Variants in GTF2IRD1 observed in about 807,000 individuals in gnomAD.
GTF2IRD1 encodes the protein GTF2I repeat domain containing 1, also known as general transcription factor II-I repeat domain-containing protein 1.
A neutral mutation model predicts 113.2 loss-of-function variants in GTF2IRD1; 26 were observed. The observed-to-expected ratio is 0.23, with a 90% CI of 0.17 to 0.32. GTF2IRD1 has a LOEUF of 0.32. Ranked by LOEUF, GTF2IRD1 falls within the 10% of genes least tolerant of loss-of-function variation. GTF2IRD1 has a pLI of 1.00. For synonymous variants in GTF2IRD1, 484 were observed against 529.1 expected, an observed-to-expected ratio of 0.91 and a Z score of 1.17; for missense variants, 864 against 1,280.8, an observed-to-expected ratio of 0.67 and a Z score of 4.97.
chr7:74,542,453 C>G (rs144549684), intron 14 of GTF2IRD1, among the ~76,000 whole-genome samples: 35 of 152,188 alleles, frequency 2.3e-4, no homozygotes, highest in African/African-American at 7.7e-4. Flanking sequence ...TAACACTAAG[C>G]AAAAGAGGAA....
At chr7:74,595,234 C>T (rs1554371870) in intron 25 of GTF2IRD1, among the ~76,000 whole-genome samples, 183 bp downstream of exon 25, 2 of 151,742 alleles carry the variant, frequency 1.3e-5, no homozygotes, top group African/African-American at 4.8e-5. Flanking sequence ...GGTGAAACCC[C>T]GTCTCTACTA....
rs782770477 is a variant in GTF2IRD1 at position 74,557,739 on chromosome 7, C to T, written c.2107+17C>T. On this transcript the variant is annotated intron_variant, in intron 20 of 26. Coordinates refer to ENST00000424337, the MANE Select transcript of GTF2IRD1 (RefSeq NM_005685.4). ...AGAAATACGGTAAGCAGTGCAGAAC[C>T]CCCGGGGAGGGACACGCAGCTGCTG... 2 of 1,520,078 alleles carry T rather than the reference C, an allele frequency of 1.3e-6. No homozygotes were observed. The highest frequency in any genetic ancestry group is 1.8e-6 in the Non-Finnish European group (2 of 1,097,202). 94.2% of individuals were successfully genotyped at this position (1,520,078 alleles called of 1,614,324 possible).
At chr7:74,551,786 A>AT (rs1799321256) in intron 17 of GTF2IRD1, among the ~76,000 whole-genome samples, 1 of 152,042 alleles carries the variant, frequency 6.6e-6, no homozygotes, top group East Asian at 1.9e-4. Context: ...AAATGCAAAA[A>AT]TTAGCCGGGT....
At chr7:74,517,975 T>A (rs1024233531) in intron 4 of GTF2IRD1, among the ~76,000 whole-genome samples, 164 bp from the exon 5 acceptor site, 3 of 152,110 alleles carry the variant, frequency 2.0e-5, no homozygotes, top group Non-Finnish European at 4.4e-5. Flanking sequence ...ACCCCCAGCC[T>A]GCAGGCGGTT....
intron 1 of GTF2IRD1, among the ~76,000 whole-genome samples, chr7:74,500,423 TAAA>T (rs74272932): frequency 2.9e-5 from 4 of 136,702 alleles, no homozygotes; most frequent in Admixed American, 1.5e-4. Flanking sequence ...TCTGTTTTGT[TAAA>T]AAAAAAAAAA....
At chr7:74,467,860 A>G (rs1272263853) in intron 1 of GTF2IRD1, among the ~76,000 whole-genome samples, 1 of 151,778 alleles carries the variant, frequency 6.6e-6, no homozygotes, top group Admixed American at 6.6e-5. Context: ...CTCCCGGCTA[A>G]TTTTTGTATT....
At chr7:74,522,352 G>A (rs1441860860) in intron 7 of GTF2IRD1, among the ~76,000 whole-genome samples, 3 of 152,116 alleles carry the variant, frequency 2.0e-5, no homozygotes, top group African/African-American at 7.2e-5. Context: ...GGACTTGCCA[G>A]CAGTTTTGCT....
intron 24 of GTF2IRD1, among the ~76,000 whole-genome samples, chr7:74,592,195 GT>G (rs1324031840): frequency 2.0e-5 from 3 of 150,846 alleles, no homozygotes; most frequent in Admixed American, 1.3e-4. Flanking sequence ...CACCGCCCAG[GT>G]TCAAGCAATT....
chr7:74,545,812 G>T lies in GTF2IRD1; in HGVS notation c.1732+3G>T. 1.2e-6 allele frequency: 2 copies of T among 1,610,486 alleles called. No individual in the cohort carries two copies. The highest frequency in any genetic ancestry group is 1.7e-6 in the Non-Finnish European group (2 of 1,176,836). On this transcript the variant is annotated splice_donor_region_variant and intron_variant, in intron 16 of 26. Transcript: ENST00000424337. ...GCTGCTCTTCAACACACGATACGGTGAGCAAGAAGTGGGACAGGGTCTGGG... is the reference window on the plus strand; with the variant it reads ...GCTGCTCTTCAACACACGATACGGTTAGCAAGAAGTGGGACAGGGTCTGGG...
chr7:74,510,812 G>C (rs537911182), intron 2 of GTF2IRD1, among the ~76,000 whole-genome samples: 2 of 152,042 alleles, frequency 1.3e-5, no homozygotes, highest in African/African-American at 4.8e-5. Context: ...ACCCTGAGAG[G>C]CTGAGTGGGG....
In GTF2IRD1 at chr7:74,513,372, T is replaced by C. The variant is rs144902776; in HGVS notation, c.265+401T>C. 3.9e-3 allele frequency among the ~76,000 whole-genome samples: 598 copies of C among 152,232 alleles called. 5 individuals are homozygous for C. The highest frequency in any genetic ancestry group is 0.013 in the African/African-American group (545 of 41,552). ...CCAGGCTGGAGTGCAGTGGCACAATTTTGGCTCACTGCAACCTCTGCCTCC... is the reference window on the plus strand; with the variant it reads ...CCAGGCTGGAGTGCAGTGGCACAATCTTGGCTCACTGCAACCTCTGCCTCC... On this transcript the variant is annotated intron_variant, in intron 3 of 26. Coordinates refer to ENST00000424337, the MANE Select transcript of GTF2IRD1 (RefSeq NM_005685.4).
Position 74,587,457 on chromosome 7 carries a change from G to GA in GTF2IRD1, c.2321-2385dup, listed in dbSNP as rs1303987584. Among the ~76,000 whole-genome samples the GA allele has an allele frequency of 2.6e-4, 39 of 148,394 alleles. 1 individual carries two copies. Among genetic ancestry groups the GA allele is most frequent in the Middle Eastern group, 3.5e-3 (1 of 288 alleles). ...AGACTCTGTCTTGGAAAAACAAAAA[G>GA]AAAAAAAAACAGGAGTCATTTTGCT... is the stretch of plus-strand genomic sequence containing the variant. On this transcript the variant is annotated intron_variant, in intron 22 of 26. Coordinates refer to ENST00000424337, the MANE Select transcript of GTF2IRD1 (RefSeq NM_005685.4).
At chr7:74,518,041 A>G in intron 4 of GTF2IRD1, 98 bp from the exon 5 acceptor site, 1 of 758,822 alleles carries the variant, frequency 1.3e-6, no homozygotes, top group Non-Finnish European at 2.0e-6. Context: ...CACCAAGGGG[A>G]GCCACTCAGC....
chr7:74,454,850 T>G (rs1554326767), intron 1 of GTF2IRD1, among the ~76,000 whole-genome samples: 1 of 152,090 alleles, frequency 6.6e-6, no homozygotes, highest in Non-Finnish European at 1.5e-5. Context: ...GTCTCTGAGT[T>G]CCTGCAGATG....
intron 7 of GTF2IRD1, among the ~76,000 whole-genome samples, chr7:74,523,181 A>AGCACTCCAG (rs1480589951): frequency 6.6e-6 from 1 of 152,034 alleles, no homozygotes; most frequent in Non-Finnish European, 1.5e-5. Flanking sequence ...ATCACACCAC[A>AGCACTCCAG]GCACTCCAGC....
chr7:74,552,337 G>A (rs1288311506), intron 17 of GTF2IRD1, among the ~76,000 whole-genome samples: 1 of 152,134 alleles, frequency 6.6e-6, no homozygotes, highest in Non-Finnish European at 1.5e-5. Flanking sequence ...TGCCCAACAT[G>A]GTGACACCCC....
At chr7:74,576,377 G>A (rs771576701) in intron 22 of GTF2IRD1, among the ~76,000 whole-genome samples, 7 of 151,216 alleles carry the variant, frequency 4.6e-5, no homozygotes, top group African/African-American at 7.3e-5. Context: ...CCTGGCCAAC[G>A]TGGTAAAACC....
intron 17 of GTF2IRD1, among the ~76,000 whole-genome samples, 177 bp downstream of exon 17, chr7:74,547,463 G>A (rs1554353657): frequency 8.7e-6 from 1 of 114,890 alleles, no homozygotes; most frequent in Non-Finnish European, 1.7e-5. Flanking sequence ...TTTTTTTTGA[G>A]ACAGAGTCTC....
intron 22 of GTF2IRD1, among the ~76,000 whole-genome samples, chr7:74,582,455 C>T (rs1348456569): frequency 2.6e-5 from 4 of 152,120 alleles, no homozygotes; most frequent in Non-Finnish European, 5.9e-5. Context: ...AACAGGGTTT[C>T]CCTCTGTTGC....
Sources: gnomAD v4.1 joint callset for allele counts (sites outside exome capture counted in the v4.1 genomes callset) on GRCh38, gnomAD v4.1.1 for gene constraint, MANE v1.5 for transcripts, NCBI Gene and HGNC (gene_info 2026-07-23, HGNC 2026-07-21) for gene names.